Variants in GGT7 observed in about 807,000 individuals in gnomAD.
The protein encoded by GGT7 is gamma-glutamyltransferase 7.
A neutral mutation model predicts 69.2 loss-of-function variants in GGT7; 30 were observed. The observed-to-expected ratio is 0.43, with a 90% CI of 0.32 to 0.59. GGT7 has a LOEUF of 0.59. GGT7 is among the 20% of genes least tolerant of loss of function. GGT7 has a pLI of 0.05. For synonymous variants in GGT7, 388 were observed against 391.8 expected, an observed-to-expected ratio of 0.99 and a Z score of 0.12; for missense variants, 733 against 901.1, an observed-to-expected ratio of 0.81 and a Z score of 2.39.
At position 34,863,383 on chromosome 20, in the gene GGT7, G is replaced by C. The variant is rs755463047; in HGVS notation, c.335C>G (p.Thr112Arg). The change falls in exon 2 of 15, where the codon ACG (threonine) becomes AGG (arginine). Residue 112 changes from threonine to arginine, a missense_variant. Transcript: ENST00000336431. This position sits in a 1 kb window ranked among gnomAD's most constrained non-coding sequence, Gnocchi z 4.4. The part of the protein sequence containing the change: ...CRQDGLTVIV[T>R]ACLTFATGVT... Reference sequence around the variant, plus strand: ...ACCGGTAGCGAAGGTGAGACAGGCCGTGACGATGACCGTGAGCCCATCCTG... The same window carrying C: ...ACCGGTAGCGAAGGTGAGACAGGCCCTGACGATGACCGTGAGCCCATCCTG... 4 of 1,614,024 alleles carry C rather than the reference G, an allele frequency of 2.5e-6. No homozygotes were observed. The highest frequency in any genetic ancestry group is 2.2e-5 in the South Asian group (2 of 91,084).
chr20:34,861,257 A>T (rs2079589986), intron 4 of GGT7, 188 bp downstream of exon 4: 1 of 394,182 alleles, frequency 2.5e-6, no homozygotes, highest in Non-Finnish European at 4.5e-6. Flanking sequence ...CCAGAGAAGT[A>T]AGGTTCCAGA....
rs145189899 is a variant in GGT7, at chr20:34,852,442, C to T, written c.1416G>A (p.Thr472=). The T allele has an allele frequency of 5.3e-5, 85 of 1,613,982 alleles. No individual in the cohort carries two copies. Among genetic ancestry groups the T allele is most frequent in the African/African-American group, 3.9e-4 (29 of 75,050 alleles). ...LPVYELDGAP[T]AAQVLIMGPD... ...GTCCCATGATCAGCACCTGGGCAGC[C>T]GTGGGAGCTCCGTCTAGTTCATAGA... Residue 472 remains threonine (T), a synonymous_variant, in exon 11 of 15, where the codon ACG becomes ACA. Coordinates refer to ENST00000336431, the MANE Select transcript of GGT7 (RefSeq NM_178026.3).
chr20:34,865,246 AAACCTCTGCCTCCCTGC>A (rs1366895319), intron 1 of GGT7, among the ~76,000 whole-genome samples: 1 of 152,154 alleles, frequency 6.6e-6, no homozygotes, highest in African/African-American at 2.4e-5. Flanking sequence ...CAGCTCACTG[AAACCTCTGCCTCCCTGC>A]AACCTCTGCC....
At chr20:34,869,133 G>A (rs1443845782) in intron 1 of GGT7, among the ~76,000 whole-genome samples, 4 of 151,550 alleles carry the variant, frequency 2.6e-5, no homozygotes, top group African/African-American at 7.3e-5. Context: ...TTCCCTTAAG[G>A]GGAGAATCAC....
At position 34,860,099 on chromosome 20, in the gene GGT7, C is replaced by T. The variant is rs1034616607; in HGVS notation, c.744-57G>A. 3.3e-4 allele frequency: 72 copies of T among 217,230 alleles called. No homozygotes were observed. The highest frequency in any genetic ancestry group is 2.0e-3 in the East Asian group (32 of 16,208). The allele number at this position is 217,230 out of a possible 1,614,324, so 13.5% of individuals were successfully genotyped here. On this transcript the variant is annotated intron_variant, in intron 5 of 14. Coordinates refer to ENST00000336431, the MANE Select transcript of GGT7 (RefSeq NM_178026.3). ...GGTCCTGGGGGAATGAGGAGGGGTCCGGGGGGAGGGGGGTTCCTGGGAAGG... is the reference window on the plus strand; with the variant it reads ...GGTCCTGGGGGAATGAGGAGGGGTCTGGGGGGAGGGGGGTTCCTGGGAAGG...
At position 34,863,271 on chromosome 20, in the gene GGT7, C is replaced by T. The variant is rs531802584; in HGVS notation, c.405+42G>A. On this transcript the variant is annotated intron_variant, in intron 2 of 14. Transcript: ENST00000336431. The surrounding 1 kb of genome is among the most constrained non-coding windows in gnomAD (Gnocchi z 4.4). ...AGTTCCTCAAACATTACCCCACTCCCCACTCCCCAGTTTCCTCCCCCTCCC... is the reference window on the plus strand; with the variant it reads ...AGTTCCTCAAACATTACCCCACTCCTCACTCCCCAGTTTCCTCCCCCTCCC... 1.7e-5 allele frequency: 24 copies of T among 1,395,168 alleles called. No homozygotes were observed. The South Asian group carries it at 2.6e-4, about 15-fold the overall frequency. 86.4% of individuals were successfully genotyped at this position (1,395,168 alleles called of 1,614,324 possible).
In GGT7 at chr20:34,854,519, C is replaced by T; in HGVS notation, c.1319+12G>A. ...CTGCCTCTGTAGCCCCCAGGTCCTG[C>T]CCAAGACCCACCTGAGCATGTCATC... On this transcript the variant is annotated intron_variant, in intron 10 of 14. Transcript: ENST00000336431. 6.3e-7 allele frequency: 1 copy of T among 1,575,120 alleles called. No homozygotes were observed. Among genetic ancestry groups the T allele is most frequent in the Non-Finnish European group, 8.7e-7 (1 of 1,145,042 alleles).
intron 8 of GGT7, among the ~76,000 whole-genome samples, chr20:34,856,513 G>A (rs2079493546): frequency 6.6e-6 from 1 of 152,144 alleles, no homozygotes; most frequent in Non-Finnish European, 1.5e-5. Context: ...AAAGGGCAGA[G>A]GCAACACAGA....
rs2079417756 is a variant in GGT7, at chr20:34,852,624, AT to A, written c.1320-87del. On this transcript the variant is annotated intron_variant, in intron 10 of 14. Transcript: ENST00000336431. Reference sequence around the variant, plus strand: ...TCACTTTTGTGGTGTTTGTGTAATTATTTGATGAAATCTACCTCCCTCACTG... The same window carrying A: ...TCACTTTTGTGGTGTTTGTGTAATTATTGATGAAATCTACCTCCCTCACTG... The A allele has an allele frequency of 2.3e-6, 3 of 1,296,572 alleles. No homozygotes were observed. In the East Asian group the frequency reaches 7.4e-5, roughly 32 times the overall value. 80.3% of individuals were successfully genotyped at this position (1,296,572 alleles called of 1,614,324 possible).
intron 11 of GGT7, 39 bp from the exon 12 acceptor site, chr20:34,852,311 C>T (rs1391842742): frequency 1.3e-6 from 2 of 1,597,704 alleles, no homozygotes; most frequent in Non-Finnish European, 8.6e-7. Context: ...CCTGGCCCAT[C>T]CTCACCTCTA....
At chr20:34,845,643 C>T in intron 14 of GGT7, 152 bp from the exon 15 acceptor site, 2 of 668,412 alleles carry the variant, frequency 3.0e-6, no homozygotes, top group African/African-American at 3.6e-5. Flanking sequence ...CCTCAGTTTC[C>T]TCATGCATAA....
chr20:34,854,727 A>G lies in GGT7; in HGVS notation c.1230+69T>C, dbSNP rs201254156. ...CTTGGAGGGGATTTAGTCCTGCCCT[A>G]TGGCAGTACCCAATCTCCCCACTCC... is the stretch of plus-strand genomic sequence containing the variant. On this transcript the variant is annotated intron_variant, in intron 9 of 14. Coordinates refer to ENST00000336431, the MANE Select transcript of GGT7 (RefSeq NM_178026.3). 443 of 1,603,990 alleles carry G rather than the reference A, an allele frequency of 2.8e-4. 2 individuals carry two copies. The Middle Eastern group carries it at 2.8e-3, about 10-fold the overall frequency.
At chr20:34,852,677 C>T (rs2079418632) in intron 10 of GGT7, 139 bp from the exon 11 acceptor site, 2 of 670,834 alleles carry the variant, frequency 3.0e-6, no homozygotes, top group Middle Eastern at 4.1e-4. Context: ...AGTGCAGAAG[C>T]TCATTAATTG....
chr20:34,849,054 T>C (rs2079344745), intron 14 of GGT7, among the ~76,000 whole-genome samples: 2 of 152,120 alleles, frequency 1.3e-5, no homozygotes, highest in African/African-American at 4.8e-5. Flanking sequence ...TGGTCTCCTT[T>C]TTAGTCCTCA....
chr20:34,865,170 GTTA>G lies in GGT7; in HGVS notation c.170-1625_170-1623del, dbSNP rs559937042. ...GAATGTGAAACCATCTGTTCTGTGTGTTATTGTTGTTGTTTGAGACAGGGTCTG... is the reference window on the plus strand; with the variant it reads ...GAATGTGAAACCATCTGTTCTGTGTGTTGTTGTTGTTTGAGACAGGGTCTG... On this transcript the variant is annotated intron_variant, in intron 1 of 14. Transcript: ENST00000336431. 6.7e-4 allele frequency among the ~76,000 whole-genome samples: 102 copies of G among 152,068 alleles called. 1 individual carries two copies. The South Asian group carries it at 0.02, about 30-fold the overall frequency.
intron 14 of GGT7, among the ~76,000 whole-genome samples, chr20:34,846,549 A>T (rs2079310280): frequency 6.6e-6 from 1 of 151,316 alleles, no homozygotes; most frequent in Middle Eastern, 3.4e-3. Flanking sequence ...ACCTCAGGTG[A>T]TCTGCCCACC....
At chr20:34,855,817 T>C (rs1466173475) in intron 8 of GGT7, among the ~76,000 whole-genome samples, 1 of 37,610 alleles carries the variant, frequency 2.7e-5, no homozygotes, top group African/African-American at 1.8e-4. Flanking sequence ...GTGTGTGTGA[T>C]AATGGTCTCA....
rs772632772 is a variant in GGT7, at chr20:34,872,840, C to T, written c.-25G>A. 452 of 1,322,228 alleles carry T rather than the reference C, an allele frequency of 3.4e-4. 1 individual carries two copies. Among genetic ancestry groups the T allele is most frequent in the Non-Finnish European group, 4.2e-4 (432 of 1,028,906 alleles). The allele number at this position is 1,322,228 out of a possible 1,614,324, so 81.9% of individuals were successfully genotyped here. ...TCCTCGCCCGCGCCCCCCAGCAGCG[C>T]AGCGCCTGCCGGAAGTGGCTGCGGC... On this transcript the variant is annotated 5_prime_UTR_variant, in exon 1 of 15. Coordinates refer to ENST00000336431, the MANE Select transcript of GGT7 (RefSeq NM_178026.3).
At position 34,854,859 on chromosome 20, in the gene GGT7, G is replaced by A; in HGVS notation, c.1167C>T (p.Ile389=). The part of the protein sequence containing the change: ...TGPALISALN[I]LEGFNLTSLV... Reference sequence around the variant, plus strand: ...GGCTGGTGAGATTGAAGCCCTCCAGGATGTTGAGAGCACTGATGAGGGCAG... The same window carrying A: ...GGCTGGTGAGATTGAAGCCCTCCAGAATGTTGAGAGCACTGATGAGGGCAG... Residue 389 remains isoleucine, a synonymous_variant, in exon 9 of 15, where the codon ATC becomes ATT. Coordinates refer to ENST00000336431, the MANE Select transcript of GGT7 (RefSeq NM_178026.3). 1 of 1,613,984 alleles carries A rather than the reference G, an allele frequency of 6.2e-7. No individual in the cohort carries two copies. The highest frequency in any genetic ancestry group is 8.5e-7 in the Non-Finnish European group (1 of 1,179,862).
Sources: gnomAD v4.1 joint callset for allele counts (sites outside exome capture counted in the v4.1 genomes callset) on GRCh38, gnomAD v4.1.1 for gene constraint, Gnocchi (gnomAD v3.1) non-coding constraint, MANE v1.5 for transcripts, NCBI Gene and HGNC (gene_info 2026-07-23, HGNC 2026-07-21) for gene names.